Variants in BRDT observed in about 807,000 individuals in gnomAD.
BRDT encodes bromodomain testis associated.
Under a neutral mutation model 113.9 loss-of-function variants are expected in BRDT, and 77 were observed. That is an observed-to-expected ratio of 0.68 (90% confidence interval 0.56 to 0.82). BRDT has a LOEUF of 0.82. Among genes scored for constraint, BRDT ranks in the 40% least tolerant of loss-of-function variants. The pLI is 0.00. For synonymous variants in BRDT, 358 were observed against 366.5 expected (o/e 0.98, Z 0.26); for missense variants, 1,027 against 1,105.4 (o/e 0.93, Z 1.01).
intron 12 of BRDT, among the ~76,000 whole-genome samples, chr1:91,988,903 A>G (rs558812144): frequency 6.6e-6 from 1 of 152,352 alleles, no homozygotes; most frequent in South Asian, 2.1e-4. Flanking sequence ...GAGAAGCAAA[A>G]TGCTGAGACT....
chr1:91,962,126 C>CA (rs1682525594), intron 1 of BRDT, among the ~76,000 whole-genome samples: 1 of 109,704 alleles, frequency 9.1e-6, no homozygotes, highest in African/African-American at 3.8e-5. Context: ...GCCTGGGTGA[C>CA]AGAGCAAGAC....
At chr1:91,994,632 C>T (rs1686102292) in intron 15 of BRDT, among the ~76,000 whole-genome samples, 1 of 151,548 alleles carries the variant, frequency 6.6e-6, no homozygotes, top group African/African-American at 2.4e-5. Flanking sequence ...TTTGGGAGGC[C>T]GAGGCGGGCG....
chr1:91,981,498 C>A, intron 11 of BRDT, 117 bp downstream of exon 11: 1 of 1,530,382 alleles, frequency 6.5e-7, no homozygotes, highest in Admixed American at 1.8e-5. Context: ...TCCACCTTGG[C>A]CTCTCAAAGT....
rs567091264 is a variant in BRDT, at chr1:91,979,914, A to G, written c.1287+157A>G. Among the ~76,000 whole-genome samples, 48 of 152,194 alleles carry G rather than the reference A, an allele frequency of 3.2e-4. 1 individual carries two copies. The highest frequency in any genetic ancestry group is 2.9e-4 in the Non-Finnish European group (20 of 68,034). On this transcript the variant is annotated intron_variant, in intron 8 of 18. Transcript: ENST00000399546. Reference sequence around the variant, plus strand: ...TTTGTAATGTTTAATAGTTTTTCCTAATCAAATATTTATTATCATAAAAAT... The same window carrying G: ...TTTGTAATGTTTAATAGTTTTTCCTGATCAAATATTTATTATCATAAAAAT...
At chr1:91,963,696 C>T (rs759907771) in intron 2 of BRDT, among the ~76,000 whole-genome samples, 38 of 151,914 alleles carry the variant, frequency 2.5e-4, no homozygotes, top group South Asian at 1.0e-3. Context: ...TGGAGTCAGA[C>T]TCCATAAAAA....
chr1:92,006,973 G>A (rs764563529), intron 18 of BRDT, among the ~76,000 whole-genome samples: 7 of 151,900 alleles, frequency 4.6e-5, no homozygotes, highest in Non-Finnish European at 8.8e-5. Flanking sequence ...ATTTTTAGTA[G>A]AGACAGGGTT....
intron 13 of BRDT, among the ~76,000 whole-genome samples, chr1:91,991,991 CAAAAAAAAA>C (rs764759925): frequency 3.2e-4 from 22 of 67,750 alleles, no homozygotes; most frequent in African/African-American, 1.1e-3. Context: ...GACTCTGTCT[CAAAAAAAAA>C]AAAAAAAAAA....
At chr1:91,967,555 C>T (rs571592140) in intron 3 of BRDT, among the ~76,000 whole-genome samples, 4 of 152,290 alleles carry the variant, frequency 2.6e-5, no homozygotes, top group South Asian at 2.1e-4. Context: ...CGCACCACCA[C>T]GCCTGGCTAA....
At chr1:91,992,156 A>C (rs991328148) in intron 13 of BRDT, 108 bp from the exon 14 acceptor site, 1 of 555,592 alleles carries the variant, frequency 1.8e-6, no homozygotes, top group Admixed American at 4.3e-5. Flanking sequence ...GGGAAACACA[A>C]TAATAAATAA....
At chr1:91,999,465 G>C (rs1686642572) in intron 15 of BRDT, among the ~76,000 whole-genome samples, 6 of 152,092 alleles carry the variant, frequency 3.9e-5, no homozygotes, top group Admixed American at 3.9e-4. Flanking sequence ...GTTCCTTACA[G>C]ATATCTCTTT....
chr1:91,968,911 A>ATTATTTATTTAT (rs141543100), intron 4 of BRDT, among the ~76,000 whole-genome samples: 194 of 147,800 alleles, frequency 1.3e-3, no homozygotes, highest in African/African-American at 4.7e-3. Flanking sequence ...TATCAGGAAA[A>ATTATTTATTTAT]TTATTTATTT....
At chr1:91,992,956 G>A (rs1460805070) in intron 14 of BRDT, among the ~76,000 whole-genome samples, 1 of 152,256 alleles carries the variant, frequency 6.6e-6, no homozygotes, top group South Asian at 2.1e-4. Flanking sequence ...ATCTCAATAC[G>A]TAGCATGTAG....
At chr1:91,953,812 G>A (rs1681404466) in intron 1 of BRDT, among the ~76,000 whole-genome samples, 1 of 152,178 alleles carries the variant, frequency 6.6e-6, no homozygotes, top group South Asian at 2.1e-4. Context: ...CTTCAACAAA[G>A]TGAACTGAAC....
intron 4 of BRDT, among the ~76,000 whole-genome samples, chr1:91,972,950 C>T (rs1020897305): frequency 2.6e-5 from 4 of 151,966 alleles, no homozygotes; most frequent in Non-Finnish European, 5.9e-5. Context: ...GTGACAATGG[C>T]ATGGAAAAAA....
chr1:92,006,766 C>T (rs12758073), intron 18 of BRDT, among the ~76,000 whole-genome samples: 28,782 of 151,938 alleles, frequency 0.19, 3,464 homozygotes, highest in Middle Eastern at 0.27. Flanking sequence ...CATGCCCAGC[C>T]TGTTTTTTAT....
intron 4 of BRDT, among the ~76,000 whole-genome samples, chr1:91,975,750 A>G (rs901002028): frequency 6.6e-6 from 1 of 152,264 alleles, no homozygotes; most frequent in Non-Finnish European, 1.5e-5. Flanking sequence ...AATGTCTTAC[A>G]TCATAACATT....
chr1:91,961,560 C>CA (rs1682445158), intron 1 of BRDT, among the ~76,000 whole-genome samples: 1 of 151,930 alleles, frequency 6.6e-6, no homozygotes, highest in Admixed American at 6.6e-5. Flanking sequence ...ACCTGGGAGG[C>CA]AAACATTACA....
chr1:92,003,679 C>A (rs1319648210), intron 16 of BRDT, among the ~76,000 whole-genome samples: 2 of 152,124 alleles, frequency 1.3e-5, no homozygotes, highest in African/African-American at 4.8e-5. Flanking sequence ...TCAATTGTTT[C>A]TAGTAGGAAT....
In BRDT at chr1:91,979,732, A is replaced by T. The variant is rs373984580; in HGVS notation, c.1262A>T (p.Lys421Met). The change falls in exon 8 of 19, where the codon AAG becomes ATG. Residue 421 changes from lysine to methionine, a missense_variant. Transcript: ENST00000399546. The part of the protein sequence containing the change: ...SSDDSEDERV[K>M]RLAKLQEQLK... ...GATGATTCTGAAGATGAGCGAGTTA[A>T]GCGTCTTGCAAAGCTTCAGGAGCAG... The T allele has an allele frequency of 2.7e-5, 44 of 1,610,146 alleles. No individual in the cohort carries two copies. In the African/African-American group the frequency reaches 5.9e-4, roughly 22 times the overall value.
Sources: allele counts gnomAD v4.1 joint callset (sites outside exome capture counted in the v4.1 genomes callset), GRCh38; gene constraint gnomAD v4.1.1; transcripts MANE v1.5; gene names NCBI Gene and HGNC (gene_info 2026-07-23, HGNC 2026-07-21).